SENP1: variants seen among roughly 807,000 people sequenced by gnomAD.
The protein encoded by SENP1 is SUMO specific peptidase 1, also known as sentrin-specific protease 1.
A neutral mutation model predicts 93.0 loss-of-function variants in SENP1; 21 were observed. That is an observed-to-expected ratio of 0.23 (90% confidence interval 0.16 to 0.33). The LOEUF is 0.33. SENP1 is among the 10% of genes least tolerant of loss of function. The probability of loss-of-function intolerance (pLI) is 1.00; values close to 1 mark genes in which losing one functional copy is unlikely to be tolerated. For synonymous variants in SENP1, 256 were observed against 259.6 expected, an observed-to-expected ratio of 0.99 and a Z score of 0.13; for missense variants, 591 against 758.7, an observed-to-expected ratio of 0.78 and a Z score of 2.60.
chr12:48,099,822 A>C (rs1035372967), intron 2 of SENP1, among the ~76,000 whole-genome samples: 3 of 152,200 alleles, frequency 2.0e-5, no homozygotes, highest in African/African-American at 7.2e-5. Context: ...TAATAATAAT[A>C]ATCTGCCTGA....
Position 48,048,013 on chromosome 12 carries a change from C to T in SENP1, c.1679G>A (p.Cys560Tyr). 1 of 1,602,966 alleles carries T rather than the reference C, an allele frequency of 6.2e-7. No homozygotes were observed. The change falls in exon 15 of 18, where the codon TGC becomes TAC. Residue 560 changes from cysteine to tyrosine, a missense_variant. By Grantham distance (194) the Cys-to-Tyr change is radical. Coordinates refer to ENST00000549518, the MANE Select transcript of SENP1 (RefSeq NM_001267594.2). ...ACTCCCTACTTACAAGAGTATTCTG[C>T]AGGCTTCATTGTTTATCCCACCCAT... ...DSMGGINNEA[C>Y]RILLQYLKQE...
rs370142655 is a variant in SENP1, at chr12:48,098,066, G to A, written c.63C>T (p.Asn21=). 580 of 1,613,464 alleles carry A rather than the reference G, an allele frequency of 3.6e-4. 4 individuals carry two copies. Among genetic ancestry groups the A allele is most frequent in the Admixed American group, 2.0e-4 (12 of 59,980 alleles). Residue 21 remains asparagine (N), a synonymous_variant, in exon 3 of 18, where the codon AAC becomes AAT. Coordinates refer to ENST00000549518, the MANE Select transcript of SENP1 (RefSeq NM_001267594.2). ...DAGEVTLVNH[N]SVFKTHLLPQ... is the part of the protein sequence containing the mutation. Reference sequence around the variant, plus strand: ...GCAGGAGGTGGGTTTTGAATACGGAGTTGTGGTTCACTAAAGTCACTTCTC... The same window carrying A: ...GCAGGAGGTGGGTTTTGAATACGGAATTGTGGTTCACTAAAGTCACTTCTC...
At chr12:48,048,304 G>A (rs1941529490) in intron 14 of SENP1, among the ~76,000 whole-genome samples, 1 of 152,190 alleles carries the variant, frequency 6.6e-6, no homozygotes, top group Non-Finnish European at 1.5e-5. Flanking sequence ...CCCCATTATT[G>A]CTGTGAAGCC....
At chr12:48,104,242 G>T (rs1351615131) in intron 1 of SENP1, among the ~76,000 whole-genome samples, 12,950 of 55,310 alleles carry the variant, frequency 0.23, 1,577 homozygotes, top group East Asian at 0.45. Context: ...TATAGAGAGA[G>T]AGAGAGAGAG....
intron 2 of SENP1, 152 bp from the exon 3 acceptor site, chr12:48,098,276 G>A (rs888766581): frequency 6.8e-5 from 23 of 340,370 alleles, no homozygotes; most frequent in Non-Finnish European, 9.6e-5. Context: ...GAGGCAGGAG[G>A]ATTTTTTTGA....
At chr12:48,101,206 A>G (rs1945911550) in intron 2 of SENP1, among the ~76,000 whole-genome samples, 1 of 152,172 alleles carries the variant, frequency 6.6e-6, no homozygotes, top group Non-Finnish European at 1.5e-5. Flanking sequence ...GAATTGCTTG[A>G]ACCCAGGAGA....
At chr12:48,083,476 A>C in intron 6 of SENP1, 115 bp downstream of exon 6, 1 of 819,124 alleles carries the variant, frequency 1.2e-6, no homozygotes, top group East Asian at 2.7e-5. Flanking sequence ...CAGAAAAAGC[A>C]CAGGAAGGAT....
intron 4 of SENP1, among the ~76,000 whole-genome samples, chr12:48,093,321 T>A (rs1945335501): frequency 7.0e-6 from 1 of 143,486 alleles, no homozygotes; most frequent in African/African-American, 2.6e-5. Context: ...TCTCACTGTG[T>A]CGCCCAGGAT....
chr12:48,084,037 A>T (rs1944663507), intron 5 of SENP1, among the ~76,000 whole-genome samples: 1 of 152,226 alleles, frequency 6.6e-6, no homozygotes, highest in Non-Finnish European at 1.5e-5. Flanking sequence ...TTGGTCAGAA[A>T]CCATATAGTT....
intron 12 of SENP1, among the ~76,000 whole-genome samples, chr12:48,064,800 C>T (rs1388417590): frequency 6.6e-6 from 1 of 152,096 alleles, no homozygotes; most frequent in Non-Finnish European, 1.5e-5. Context: ...CCTCAGCCTC[C>T]TGTGTAGCTG....
intron 6 of SENP1, among the ~76,000 whole-genome samples, chr12:48,082,035 G>A (rs1944528076): frequency 6.6e-6 from 1 of 151,840 alleles, no homozygotes; most frequent in Non-Finnish European, 1.5e-5. Flanking sequence ...ACTTACAGGC[G>A]CCCGCCACCA....
chr12:48,054,855 T>C (rs1942103335), intron 13 of SENP1: 1 of 152,230 alleles, frequency 6.6e-6, no homozygotes, highest in Non-Finnish European at 1.5e-5. Flanking sequence ...TCTCTGCCTC[T>C]TTTCACATAT....
intron 13 of SENP1, among the ~76,000 whole-genome samples, chr12:48,052,531 A>G (rs1592290374): frequency 6.6e-6 from 1 of 152,186 alleles, no homozygotes; most frequent in African/African-American, 2.4e-5. Context: ...TATCAACCAC[A>G]AAGTCCAAGA....
At chr12:48,095,024 T>C (rs915270024) in intron 4 of SENP1, among the ~76,000 whole-genome samples, 2 of 152,166 alleles carry the variant, frequency 1.3e-5, no homozygotes, top group Non-Finnish European at 2.9e-5. Context: ...TGATTGATTT[T>C]TCTATACAAA....
At chr12:48,067,126 AG>A (rs1354339865) in intron 9 of SENP1, among the ~76,000 whole-genome samples, 161 bp from the exon 10 acceptor site, 8 of 152,366 alleles carry the variant, frequency 5.3e-5, no homozygotes, top group African/African-American at 1.9e-4. Context: ...AATTGTAACT[AG>A]GAATTAAGGA....
chr12:48,084,453 T>TTTA (rs1565790842), intron 5 of SENP1, among the ~76,000 whole-genome samples: 6 of 147,986 alleles, frequency 4.1e-5, no homozygotes, highest in Non-Finnish European at 9.0e-5. Flanking sequence ...TTGAGTTTTT[T>TTTA]TTTTTTTTTT....
intron 2 of SENP1, among the ~76,000 whole-genome samples, chr12:48,100,927 CT>C (rs1215441029): frequency 6.6e-6 from 1 of 152,182 alleles, no homozygotes; most frequent in African/African-American, 2.4e-5. Context: ...GTATACTTAA[CT>C]TTTTCAATAC....
At chr12:48,063,945 C>A (rs186769320) in intron 12 of SENP1, 104 bp from the exon 13 acceptor site, 7 of 1,097,846 alleles carry the variant, frequency 6.4e-6, no homozygotes, top group Non-Finnish European at 7.6e-6. Context: ...TATCACCATT[C>A]GATTGTTTAT....
chr12:48,070,597 T>C (rs1425873231), intron 9 of SENP1, among the ~76,000 whole-genome samples: 2 of 152,170 alleles, frequency 1.3e-5, no homozygotes, highest in Non-Finnish European at 2.9e-5. Flanking sequence ...CAGTAGGCTC[T>C]CAGTAAATAT....
Sources: gnomAD v4.1 joint callset for allele counts (sites outside exome capture counted in the v4.1 genomes callset) on GRCh38, gnomAD v4.1.1 for gene constraint, MANE v1.5 for transcripts, NCBI Gene and HGNC (gene_info 2026-07-23, HGNC 2026-07-21) for gene names.